The following LIMK1 variants were observed in gnomAD, a reference collection of about 807,000 sequenced individuals.
LIMK1 encodes LIM motif-containing protein kinase.
Under a neutral mutation model 77.6 loss-of-function variants are expected in LIMK1, and 21 were observed. The observed-to-expected ratio is 0.27, with a 90% CI of 0.19 to 0.39. The LOEUF (loss-of-function observed/expected upper bound fraction) is 0.39, where lower values mean the gene tolerates loss of function less well. Ranked by LOEUF, LIMK1 falls within the 10% of genes least tolerant of loss-of-function variation. The probability of loss-of-function intolerance (pLI) is 1.00; values close to 1 mark genes in which losing one functional copy is unlikely to be tolerated. For synonymous variants in LIMK1, 358 were observed against 370.0 expected, an observed-to-expected ratio of 0.97 and a Z score of 0.37; for missense variants, 696 against 901.6, an observed-to-expected ratio of 0.77 and a Z score of 2.92.
At position 74,111,656 on chromosome 7, in the gene LIMK1, G is replaced by C; in HGVS notation, c.1293G>C (p.Gln431His). ...TTCTTTCTCCATCCCAGGACAGCCA[G>C]TACCCATGGAGCCAGAGAGTGAGCT... ...LRGIIKSMDS[Q>H]YPWSQRVSFA... Residue 431 changes from glutamine (Q) to histidine (H), a missense_variant, in exon 11 of 16, where the codon CAG becomes CAC. Physicochemically the swap from Gln to His is conservative, Grantham distance 24. This residue lies in a region of LIMK1 where 438 missense variants were observed against 602.3 expected (regional missense o/e 0.73). Coordinates refer to ENST00000336180, the MANE Select transcript of LIMK1 (RefSeq NM_002314.4). 1.9e-6 allele frequency: 3 copies of C among 1,613,182 alleles called. No individual in the cohort carries two copies. The highest frequency in any genetic ancestry group is 1.3e-5 in the African/African-American group (1 of 75,040).
intron 4 of LIMK1, 95 bp from the exon 5 acceptor site, chr7:74,098,937 G>A (rs1584114145): frequency 2.1e-6 from 2 of 948,078 alleles, no homozygotes; most frequent in East Asian, 2.4e-5. Context: ...AAAAGGAAGG[G>A]ATTGGGGGAA....
chr7:74,088,801 C>CAAAAA (rs145728454), intron 2 of LIMK1, among the ~76,000 whole-genome samples: 1 of 67,058 alleles, frequency 1.5e-5, no homozygotes, highest in Non-Finnish European at 2.9e-5. Context: ...GACTCCATCT[C>CAAAAA]AAAAAAAAAA....
At chr7:74,089,660 G>A (rs1799200614) in intron 2 of LIMK1, among the ~76,000 whole-genome samples, 1 of 152,116 alleles carries the variant, frequency 6.6e-6, no homozygotes, top group Non-Finnish European at 1.5e-5. Context: ...GGGTCATGTT[G>A]GGGAGGAGAC....
chr7:74,120,107 C>G (rs551663407), intron 13 of LIMK1, among the ~76,000 whole-genome samples: 6 of 152,188 alleles, frequency 3.9e-5, no homozygotes, highest in Admixed American at 3.3e-4. Flanking sequence ...GGGCCACCTC[C>G]TCCTCTTCTG....
intron 12 of LIMK1, among the ~76,000 whole-genome samples, chr7:74,113,894 TACAGTGA>T (rs1799753260): frequency 6.6e-6 from 1 of 151,976 alleles, no homozygotes; most frequent in South Asian, 2.1e-4. Flanking sequence ...AGGTAAATGT[TACAGTGA>T]GCTCTGATTG....
chr7:74,095,350 A>G (rs1799317883), intron 2 of LIMK1, among the ~76,000 whole-genome samples: 1 of 151,966 alleles, frequency 6.6e-6, no homozygotes, highest in East Asian at 1.9e-4. Context: ...ATGCCCCCCC[A>G]CAGCAGGACC....
rs1012171522 is a variant in LIMK1 at position 74,112,580 on chromosome 7, C to T, written c.1410+582C>T. On this transcript the variant is annotated intron_variant, in intron 12 of 15. Transcript: ENST00000336180. ...CTACAATCCCAACACTTTGGGAGGC[C>T]GAGGTGGGTGGATCACTTGAAGCCA... Among the ~76,000 whole-genome samples, 3 of 152,150 alleles carry T rather than the reference C, an allele frequency of 2.0e-5. No homozygotes were observed. In the East Asian group the frequency reaches 5.8e-4, roughly 29 times the overall value.
In LIMK1 at chr7:74,111,802, CGATGGGA is replaced by C. The variant is rs1554698684; in HGVS notation, c.1344+98_1344+104del. ...AGCTTTGAAAGAGGGCAGAGGGGGT[CGATGGGA>C]GAGTGGGAAGAATCGTCCCGACTGG... is the stretch of plus-strand genomic sequence containing the variant. On this transcript the variant is annotated intron_variant, in intron 11 of 15. Coordinates refer to ENST00000336180, the MANE Select transcript of LIMK1 (RefSeq NM_002314.4). 6 of 1,438,446 alleles carry C rather than the reference CGATGGGA, an allele frequency of 4.2e-6. No homozygotes were observed. In the Admixed American group the frequency reaches 1.1e-4, roughly 26 times the overall value. 89.1% of individuals were successfully genotyped at this position (1,438,446 alleles called of 1,614,324 possible).
intron 2 of LIMK1, among the ~76,000 whole-genome samples, chr7:74,091,369 T>C (rs1290521369): frequency 6.6e-6 from 1 of 152,012 alleles, no homozygotes; most frequent in Non-Finnish European, 1.5e-5. Context: ...ACAAAAAAAT[T>C]AGCCAGGCGT....
rs1799401838 is a variant in LIMK1 at position 74,099,178 on chromosome 7, A to AC, written c.554dup (p.His186AlafsTer55). ...AAGCGTGGACTTTCAGTCTCCATTG[A>AC]CCCCCCGCACGGCCCACCGGGCTGT... On this transcript the variant is annotated frameshift_variant, in exon 5 of 16. Transcript: ENST00000336180. LOFTEE classifies it high-confidence loss of function. 3 of 1,610,794 alleles carry AC rather than the reference A, an allele frequency of 1.9e-6. No homozygotes were observed. Among genetic ancestry groups the AC allele is most frequent in the Non-Finnish European group, 2.5e-6 (3 of 1,179,724 alleles).
intron 5 of LIMK1, among the ~76,000 whole-genome samples, chr7:74,102,484 C>CTTTTTTTTTTTTTTTTTTTTTTTTTTG (rs71094754): frequency 1.9e-5 from 1 of 54,042 alleles, no homozygotes; most frequent in Non-Finnish European, 3.5e-5. Flanking sequence ...AGGACCTTCT[C>CTTTTTTTTTTTTTTTTTTTTTTTTTTG]TTTTTTTTTT....
At chr7:74,114,515 C>T (rs1186329686) in intron 12 of LIMK1, among the ~76,000 whole-genome samples, 3 of 149,646 alleles carry the variant, frequency 2.0e-5, no homozygotes, top group African/African-American at 4.9e-5. Flanking sequence ...CGTGCCACTG[C>T]ACTCCAGCCT....
At chr7:74,102,501 T>C (rs1279548144) in intron 5 of LIMK1, among the ~76,000 whole-genome samples, 7 of 140,492 alleles carry the variant, frequency 5.0e-5, no homozygotes, top group African/African-American at 1.8e-4. Context: ...TTTTTTTTTT[T>C]TGGAGACAGG....
chr7:74,098,951 C>A, intron 4 of LIMK1, 81 bp from the exon 5 acceptor site: 3 of 1,159,036 alleles, frequency 2.6e-6, no homozygotes, highest in Non-Finnish European at 2.5e-6. Context: ...GGGGGAAGAG[C>A]CTGGGGCTGG....
At chr7:74,114,357 A>G (rs1554699033) in intron 12 of LIMK1, among the ~76,000 whole-genome samples, 2 of 151,718 alleles carry the variant, frequency 1.3e-5, no homozygotes, top group African/African-American at 2.4e-5. Context: ...GCCAGGCAAC[A>G]TGGCAAAAAA....
chr7:74,101,202 G>T (rs1177632195), intron 5 of LIMK1, among the ~76,000 whole-genome samples: 1 of 152,204 alleles, frequency 6.6e-6, no homozygotes, highest in Admixed American at 6.6e-5. Flanking sequence ...CAAGCCAGCA[G>T]CTGCTTTACA....
In LIMK1 at chr7:74,111,630, A is replaced by G; in HGVS notation, c.1285-18A>G. ...GGCCCCCACCGGCCCCACCCTGGCC[A>G]TTCTTTCTCCATCCCAGGACAGCCA... On this transcript the variant is annotated intron_variant, in intron 10 of 15. Transcript: ENST00000336180. 1 of 1,609,276 alleles carries G rather than the reference A, an allele frequency of 6.2e-7. No individual in the cohort carries two copies. Among genetic ancestry groups the G allele is most frequent in the Non-Finnish European group, 8.5e-7 (1 of 1,177,780 alleles).
Position 74,096,750 on chromosome 7 carries a change from G to A in LIMK1, c.281G>A (p.Gly94Glu), listed in dbSNP as rs201593102. The A allele has an allele frequency of 6.2e-7, 1 of 1,606,780 alleles. No homozygotes were observed. The highest frequency in any genetic ancestry group is 8.5e-7 in the Non-Finnish European group (1 of 1,175,362). The change falls in exon 3 of 16, where the codon GGA (glycine) becomes GAA (glutamate). Residue 94 changes from glycine (G) to glutamate (E), a missense_variant. Gly to Glu is a moderately conservative substitution (Grantham distance 98). This residue lies in a region of LIMK1 where 252 missense variants were observed against 279.4 expected (regional missense o/e 0.90). Transcript: ENST00000336180. ...GGGTGCTCTGAGCAAATCACCAAGG[G>A]ACTGGTTATGGTGAGCGCCCCCTGC... is the stretch of plus-strand genomic sequence containing the variant. The part of the protein sequence containing the change: ...CHGCSEQITK[G>E]LVMVAGELKY...
intron 2 of LIMK1, among the ~76,000 whole-genome samples, chr7:74,087,746 C>T (rs1466606277): frequency 1.3e-5 from 2 of 151,972 alleles, no homozygotes; most frequent in African/African-American, 2.4e-5. Context: ...TGCACCACCA[C>T]GCCCGGCTAA....
Sources: gnomAD v4.1 joint callset for allele counts (sites outside exome capture counted in the v4.1 genomes callset) on GRCh38, gnomAD v4.1.1 for gene constraint, gnomAD v4.1.1 regional missense constraint, MANE v1.5 for transcripts, NCBI Gene and HGNC (gene_info 2026-07-23, HGNC 2026-07-21) for gene names.